The following CERT1 variants were observed in gnomAD, a reference collection of about 807,000 sequenced individuals.
CERT1 encodes ceramide transfer protein.
Under a neutral mutation model 87.9 loss-of-function variants are expected in CERT1, and 31 were observed. The ratio of observed to expected loss-of-function variants is 0.35; its 90% CI spans 0.27 to 0.48. CERT1 has a LOEUF of 0.48. Among genes scored for constraint, CERT1 ranks in the 20% least tolerant of loss-of-function variants. The pLI is 0.99. For missense variants in CERT1, 487 were observed against 758.0 expected, an observed-to-expected ratio of 0.64 and a Z score of 4.20; for synonymous variants, 289 against 250.9, an observed-to-expected ratio of 1.15 and a Z score of -1.44.
chr5:75,402,799 CAAAAA>C, intron 9 of CERT1, 168 bp downstream of exon 9: 3 of 332,346 alleles, frequency 9.0e-6, no homozygotes, highest in Non-Finnish European at 1.1e-5. Context: ...GACTCTGTCT[CAAAAA>C]AAAAAAAAAA....
intron 3 of CERT1, among the ~76,000 whole-genome samples, chr5:75,430,190 A>C (rs962769568): frequency 2.6e-5 from 4 of 152,234 alleles, no homozygotes; most frequent in Non-Finnish European, 5.9e-5. Flanking sequence ...CCAGTTGCCA[A>C]AGTAAAATGG....
intron 2 of CERT1, among the ~76,000 whole-genome samples, chr5:75,473,445 G>C (rs1048493167): frequency 6.6e-6 from 1 of 151,748 alleles, no homozygotes; most frequent in African/African-American, 2.4e-5. Context: ...TGAATCTGGA[G>C]GGCATTAAAT....
intron 13 of CERT1, 53 bp from the exon 14 acceptor site, chr5:75,384,765 C>T: frequency 8.5e-7 from 1 of 1,170,482 alleles, no homozygotes; most frequent in Non-Finnish European, 1.3e-6. Context: ...AGAATGTGAT[C>T]AATTCACTTA....
intron 15 of CERT1, among the ~76,000 whole-genome samples, 179 bp from the exon 16 acceptor site, chr5:75,381,380 G>A (rs1217123319): frequency 2.6e-5 from 4 of 152,108 alleles, no homozygotes; most frequent in Middle Eastern, 3.4e-3. Context: ...CTGGGGACAA[G>A]GTCTTGCTCT....
chr5:75,426,634 A>G (rs1037187016), intron 3 of CERT1, among the ~76,000 whole-genome samples, 156 bp from the exon 4 acceptor site: 10 of 152,250 alleles, frequency 6.6e-5, no homozygotes, highest in African/African-American at 2.2e-4. Context: ...AATGCCTTTC[A>G]ATTCCTAAAT....
intron 2 of CERT1, among the ~76,000 whole-genome samples, chr5:75,461,352 A>G (rs1650829204): frequency 6.6e-6 from 1 of 152,202 alleles, no homozygotes; most frequent in Admixed American, 6.5e-5. Flanking sequence ...TGAGAATCTA[A>G]TGGTTGATGA....
At chr5:75,400,453 A>G (rs1762423858) in intron 9 of CERT1, 156 bp from the exon 10 acceptor site, 1 of 534,526 alleles carries the variant, frequency 1.9e-6, no homozygotes, top group Non-Finnish European at 3.3e-6. Context: ...GACATGGCAA[A>G]TCCTGATACT....
intron 1 of CERT1, among the ~76,000 whole-genome samples, chr5:75,506,848 T>C (rs942930327): frequency 7.2e-5 from 11 of 152,214 alleles, no homozygotes; most frequent in African/African-American, 2.7e-4. Context: ...TAAGAGTTTC[T>C]GTGTTGCTAA....
chr5:75,425,583 A>T, intron 4 of CERT1, 84 bp from the exon 5 acceptor site: 2 of 1,379,284 alleles, frequency 1.5e-6, no homozygotes, highest in Non-Finnish European at 1.0e-6. Flanking sequence ...ATCAACTTTT[A>T]AGGTCTGCAC....
intron 2 of CERT1, among the ~76,000 whole-genome samples, chr5:75,496,758 G>A (rs552343701): frequency 6.6e-6 from 1 of 152,312 alleles, no homozygotes; most frequent in South Asian, 2.1e-4. Flanking sequence ...ATAATATGCT[G>A]CAACAGTGGT....
chr5:75,393,894 G>A (rs367877362), intron 11 of CERT1, among the ~76,000 whole-genome samples: 15 of 151,962 alleles, frequency 9.9e-5, no homozygotes, highest in African/African-American at 3.4e-4. Context: ...GAACCCGGGA[G>A]GCGGAGGGTG....
intron 17 of CERT1, chr5:75,368,959 C>A (rs993582958): frequency 6.6e-6 from 1 of 152,020 alleles, no homozygotes; most frequent in African/African-American, 2.4e-5. Flanking sequence ...ATCACCCAGG[C>A]TGGAGTGCAG....
At chr5:75,406,835 A>G (rs899115773) in intron 8 of CERT1, among the ~76,000 whole-genome samples, 1 of 152,080 alleles carries the variant, frequency 6.6e-6, no homozygotes, top group Admixed American at 6.6e-5. Flanking sequence ...GTGAGCCACC[A>G]CACCCAGCCA....
chr5:75,478,909 TAAAAAAAAAAAAAAAAAA>T (rs11438163), intron 2 of CERT1, among the ~76,000 whole-genome samples: 1 of 21,748 alleles, frequency 4.6e-5, no homozygotes, highest in South Asian at 2.1e-3. Flanking sequence ...AAGTAAGTAC[TAAAAAAAAAAAAAAAAAA>T]AAAAAAAAAA....
chr5:75,502,151 T>G (rs1328672223), intron 2 of CERT1, among the ~76,000 whole-genome samples: 1 of 151,958 alleles, frequency 6.6e-6, no homozygotes, highest in Non-Finnish European at 1.5e-5. Context: ...AAAAAGTGCA[T>G]AAGCAATTGG....
chr5:75,428,425 T>C (rs1002231101), intron 3 of CERT1, among the ~76,000 whole-genome samples: 1 of 152,168 alleles, frequency 6.6e-6, no homozygotes, highest in African/African-American at 2.4e-5. Context: ...ACGCCTGTAA[T>C]CCCAGCACTT....
intron 7 of CERT1, among the ~76,000 whole-genome samples, chr5:75,415,653 A>G (rs1763104278): frequency 1.3e-5 from 2 of 152,322 alleles, no homozygotes; most frequent in Non-Finnish European, 2.9e-5. Context: ...AAGAGACTAA[A>G]GAGAGAGAAA....
chr5:75,419,405 A>G lies in CERT1; in HGVS notation c.615T>C (p.Asp205=). The G allele has an allele frequency of 6.2e-7, 1 of 1,608,308 alleles. No homozygotes were observed. Among genetic ancestry groups the G allele is most frequent in the Non-Finnish European group, 8.5e-7 (1 of 1,174,858 alleles). The part of the protein sequence containing the change: ...QRDKVVEDDE[D]DFPTTRSDGD... ...CATCAGAACGCGTTGTAGGAAAGTCATCTTCATCATCTTCTACCACTAAAT... is the reference window on the plus strand; with the variant it reads ...CATCAGAACGCGTTGTAGGAAAGTCGTCTTCATCATCTTCTACCACTAAAT... The change falls in exon 6 of 17, where the codon GAT becomes GAC. Residue 205 remains aspartate (D), a synonymous_variant. Coordinates refer to ENST00000643780, the MANE Select transcript of CERT1 (RefSeq NM_001379029.1).
intron 2 of CERT1, among the ~76,000 whole-genome samples, chr5:75,504,491 AT>A (rs1341315108): frequency 6.6e-6 from 1 of 152,230 alleles, no homozygotes; most frequent in African/African-American, 2.4e-5. Context: ...TGTATAAAAA[AT>A]AATGTAAAAA....
Sources: gnomAD v4.1 joint callset for allele counts (sites outside exome capture counted in the v4.1 genomes callset) on GRCh38, gnomAD v4.1.1 for gene constraint, MANE v1.5 for transcripts, NCBI Gene and HGNC (gene_info 2026-07-23, HGNC 2026-07-21) for gene names.